PTPN4: variants seen among roughly 807,000 people sequenced by gnomAD.
The protein encoded by PTPN4 is tyrosine-protein phosphatase non-receptor type 4.
A neutral mutation model predicts 135.5 loss-of-function variants in PTPN4; 49 were observed. That is an observed-to-expected ratio of 0.36 (90% confidence interval 0.29 to 0.46). The LOEUF (loss-of-function observed/expected upper bound fraction) is 0.46. Among genes scored for constraint, PTPN4 ranks in the 20% least tolerant of loss-of-function variants. The probability of loss-of-function intolerance (pLI) is 1.00; values close to 1 mark genes in which losing one functional copy is unlikely to be tolerated. For synonymous variants in PTPN4, 333 were observed against 369.9 expected (o/e 0.90, Z 1.14); for missense variants, 860 against 1,101.0 (o/e 0.78, Z 3.10).
At chr2:119,946,197 C>T (rs1679130107) in intron 16 of PTPN4, 144 bp from the exon 17 acceptor site, 3 of 632,538 alleles carry the variant, frequency 4.7e-6, no homozygotes, top group Non-Finnish European at 7.7e-6. Context: ...AGAATTTACT[C>T]TTCTGAACTA....
chr2:119,912,545 T>C (rs1179040094), intron 10 of PTPN4, among the ~76,000 whole-genome samples: 1 of 152,156 alleles, frequency 6.6e-6, no homozygotes, highest in Non-Finnish European at 1.5e-5. Context: ...AGTAAAACAG[T>C]ATAAAATAGT....
chr2:119,916,022 C>T (rs1179734108), intron 11 of PTPN4: 1 of 150,032 alleles, frequency 6.7e-6, no homozygotes, highest in Non-Finnish European at 1.5e-5. Context: ...GAGACACTGT[C>T]TCTACAAAAA....
At chr2:119,802,537 G>A (rs1026357169) in intron 1 of PTPN4, among the ~76,000 whole-genome samples, 1 of 152,134 alleles carries the variant, frequency 6.6e-6, no homozygotes, top group Non-Finnish European at 1.5e-5. Context: ...AAAATATTGG[G>A]TGAACCTTGT....
At position 119,974,487 on chromosome 2, in the gene PTPN4, G is replaced by A. The variant is rs148257648; in HGVS notation, c.2695-2497G>A. Among the ~76,000 whole-genome samples, 145 of 152,266 alleles carry A rather than the reference G, an allele frequency of 9.5e-4. 1 individual carries two copies. Among genetic ancestry groups the A allele is most frequent in the African/African-American group, 3.3e-3 (139 of 41,554 alleles). On this transcript the variant is annotated intron_variant, in intron 26 of 26. Coordinates refer to ENST00000263708, the MANE Select transcript of PTPN4 (RefSeq NM_002830.4). ...ACCTCCCAAAGTGCTGGGATTACAG[G>A]AGTGATCCACCGTGCCTAGCCTGTA...
intron 2 of PTPN4, among the ~76,000 whole-genome samples, chr2:119,824,267 G>A (rs1375103746): frequency 6.6e-6 from 1 of 152,136 alleles, no homozygotes; most frequent in Non-Finnish European, 1.5e-5. Flanking sequence ...AAGGATGTCT[G>A]TTCTACTCTT....
chr2:119,942,720 A>G (rs1425067011), intron 15 of PTPN4, among the ~76,000 whole-genome samples: 1 of 152,174 alleles, frequency 6.6e-6, no homozygotes, highest in African/African-American at 2.4e-5. Context: ...CTGCCTTTTA[A>G]AAATGTTGCA....
intron 1 of PTPN4, among the ~76,000 whole-genome samples, chr2:119,799,367 G>A (rs1208120780): frequency 6.6e-6 from 1 of 152,130 alleles, no homozygotes; most frequent in African/African-American, 2.4e-5. Context: ...AAACAAATTA[G>A]TAGAACATTT....
intron 1 of PTPN4, among the ~76,000 whole-genome samples, chr2:119,792,281 G>C (rs575404682): frequency 2.0e-5 from 3 of 152,154 alleles, no homozygotes; most frequent in Non-Finnish European, 4.4e-5. Context: ...ATCACTTAAA[G>C]ATTAGTCATT....
intron 9 of PTPN4, among the ~76,000 whole-genome samples, chr2:119,889,147 C>T (rs1229076067): frequency 6.6e-6 from 1 of 152,236 alleles, no homozygotes; most frequent in Non-Finnish European, 1.5e-5. Flanking sequence ...GGGCTGGGCA[C>T]AGTGGCTCAT....
chr2:119,798,874 A>G (rs891030254), intron 1 of PTPN4, among the ~76,000 whole-genome samples: 21 of 152,212 alleles, frequency 1.4e-4, no homozygotes, highest in African/African-American at 5.1e-4. Context: ...AGCCGTAACT[A>G]GTGGAGTATG....
At chr2:119,792,643 A>G (rs1691169088) in intron 1 of PTPN4, among the ~76,000 whole-genome samples, 1 of 152,268 alleles carries the variant, frequency 6.6e-6, no homozygotes, top group Admixed American at 6.5e-5. Flanking sequence ...ACTAATCTTG[A>G]TGATAACCAG....
chr2:119,810,778 C>T (rs184496066), intron 2 of PTPN4, among the ~76,000 whole-genome samples: 3 of 152,070 alleles, frequency 2.0e-5, no homozygotes, highest in African/African-American at 4.8e-5. Context: ...CTAAATTGAC[C>T]CAGTGTTAAC....
At chr2:119,854,465 C>T (rs1677642679) in intron 2 of PTPN4, among the ~76,000 whole-genome samples, 1 of 152,166 alleles carries the variant, frequency 6.6e-6, no homozygotes, top group Admixed American at 6.5e-5. Context: ...GAGGAGATGT[C>T]ACCTTAACTG....
At chr2:119,832,909 G>A (rs1677239886) in intron 2 of PTPN4, among the ~76,000 whole-genome samples, 1 of 152,094 alleles carries the variant, frequency 6.6e-6, no homozygotes, top group South Asian at 2.1e-4. Flanking sequence ...TCATTCTTTG[G>A]AATAGTTTAA....
chr2:119,778,019 T>TC (rs1332798039), intron 1 of PTPN4, among the ~76,000 whole-genome samples: 1 of 151,988 alleles, frequency 6.6e-6, no homozygotes, highest in African/African-American at 2.4e-5. Context: ...TTTTTTTTTT[T>TC]CCTCTAAAAA....
At chr2:119,919,147 A>G (rs1376846790) in intron 11 of PTPN4, among the ~76,000 whole-genome samples, 1 of 152,218 alleles carries the variant, frequency 6.6e-6, no homozygotes, top group Non-Finnish European at 1.5e-5. Flanking sequence ...TAAAGGTTAC[A>G]TGGTTGTATT....
chr2:119,976,141 A>G (rs1042603339), intron 26 of PTPN4, among the ~76,000 whole-genome samples: 2 of 151,430 alleles, frequency 1.3e-5, no homozygotes, highest in East Asian at 1.9e-4. Flanking sequence ...GACTACAGGC[A>G]CCCACTACCA....
intron 9 of PTPN4, among the ~76,000 whole-genome samples, chr2:119,887,626 C>T (rs1678178946): frequency 6.6e-6 from 1 of 152,158 alleles, no homozygotes; most frequent in East Asian, 1.9e-4. Flanking sequence ...CCGTTTATTG[C>T]AGAGAATGTC....
At chr2:119,853,145 A>T (rs1026862201) in intron 2 of PTPN4, among the ~76,000 whole-genome samples, 6 of 152,138 alleles carry the variant, frequency 3.9e-5, no homozygotes, top group African/African-American at 1.4e-4. Flanking sequence ...ATTAGTTAAT[A>T]TGTTGTTGGG....
Sources: allele counts gnomAD v4.1 joint callset (sites outside exome capture counted in the v4.1 genomes callset), GRCh38; gene constraint gnomAD v4.1.1; transcripts MANE v1.5; gene names NCBI Gene and HGNC (gene_info 2026-07-23, HGNC 2026-07-21).